The following IGFBP7 variants were observed in gnomAD, a reference collection of about 807,000 sequenced individuals.
IGFBP7 encodes the protein insulin-like growth factor-binding protein 7.
IGFBP7 carries 31 observed loss-of-function variants against 29.4 expected under a neutral mutation model. The ratio of observed to expected loss-of-function variants is 1.05; its 90% CI spans 0.79 to 1.42. The LOEUF is 1.42. IGFBP7 is among the 40% of genes most tolerant of loss of function. The probability of loss-of-function intolerance (pLI) is 0.00; values close to 1 mark genes in which losing one functional copy is unlikely to be tolerated. For synonymous variants in IGFBP7, 172 were observed against 174.9 expected (o/e 0.98, Z 0.13); for missense variants, 393 against 395.5 (o/e 0.99, Z 0.05).
In IGFBP7 at chr4:57,105,816, A is replaced by G. The variant is rs530440134; in HGVS notation, c.475+4061T>C. 3.9e-5 allele frequency among the ~76,000 whole-genome samples: 6 copies of G among 152,276 alleles called. 1 individual carries two copies. In the South Asian group the frequency reaches 1.2e-3, roughly 32 times the overall value. On this transcript the variant is annotated intron_variant, in intron 1 of 4. Coordinates refer to ENST00000295666, the MANE Select transcript of IGFBP7 (RefSeq NM_001553.3). ...GATGCATAGCTCTAGAAGAACAAAT[A>G]CATCATTTTGGGGTGGGGGAAAGTC...
Position 57,110,153 on chromosome 4 carries a change from C to T in IGFBP7, c.199G>A (p.Glu67Lys). 1 of 1,466,914 alleles carries T rather than the reference C, an allele frequency of 6.8e-7. No individual in the cohort carries two copies. Among genetic ancestry groups the T allele is most frequent in the Non-Finnish European group, 8.9e-7 (1 of 1,117,562 alleles). The allele number at this position is 1,466,914 out of a possible 1,614,324, so 90.9% of individuals were successfully genotyped here. ...CGCCPMCARG[E>K]GEPCGGGGAG... ...CCGCCACCCCCGCACGGCTCGCCCT[C>T]GCCGCGGGCGCACATAGGGCAGCAG... Residue 67 changes from glutamate to lysine, a missense_variant, in exon 1 of 5, where the codon GAG becomes AAG. Transcript: ENST00000295666.
chr4:57,032,353 T>A lies in IGFBP7; in HGVS notation c.829+73A>T. 1.9e-6 allele frequency: 3 copies of A among 1,574,442 alleles called. No individual in the cohort carries two copies. In the South Asian group the frequency reaches 3.5e-5, roughly 19 times the overall value. On this transcript the variant is annotated intron_variant, in intron 4 of 4. Coordinates refer to ENST00000295666, the MANE Select transcript of IGFBP7 (RefSeq NM_001553.3). ...TCATCAATAGCTACGTCTGATACTT[T>A]CATACTTAGTTCTGTTCTTTTTAAA...
intron 4 of IGFBP7, among the ~76,000 whole-genome samples, chr4:57,031,674 TTAG>T (rs2109732668): frequency 6.6e-6 from 1 of 152,352 alleles, no homozygotes; most frequent in East Asian, 1.9e-4. Flanking sequence ...GGAGGAATAA[TTAG>T]TAGCAGAGCT....
At chr4:57,045,719 G>A (rs1306102474) in intron 1 of IGFBP7, among the ~76,000 whole-genome samples, 2 of 147,846 alleles carry the variant, frequency 1.4e-5, no homozygotes, top group African/African-American at 4.9e-5. Flanking sequence ...ATATGCAGAG[G>A]GAATGGAAAA....
intron 2 of IGFBP7, among the ~76,000 whole-genome samples, chr4:57,033,514 C>G (rs1041157566): frequency 6.6e-6 from 1 of 152,178 alleles, no homozygotes; most frequent in Non-Finnish European, 1.5e-5. Flanking sequence ...TCCTGCTAAG[C>G]GTACATGTTT....
chr4:57,090,431 C>A (rs997222279), intron 1 of IGFBP7, among the ~76,000 whole-genome samples: 3 of 152,296 alleles, frequency 2.0e-5, no homozygotes, highest in East Asian at 3.9e-4. Flanking sequence ...CACACACAAA[C>A]AACAATAAAG....
chr4:57,042,414 A>C (rs1325926553), intron 1 of IGFBP7, among the ~76,000 whole-genome samples: 2 of 152,114 alleles, frequency 1.3e-5, no homozygotes, highest in Non-Finnish European at 2.9e-5. Context: ...CAGTGGCATG[A>C]TCTTGGCTCA....
At chr4:57,087,131 T>C (rs1228157668) in intron 1 of IGFBP7, among the ~76,000 whole-genome samples, 1 of 152,262 alleles carries the variant, frequency 6.6e-6, no homozygotes, top group Non-Finnish European at 1.5e-5. Context: ...AACTGGAGTC[T>C]GTGTTCTGTG....
chr4:57,075,815 G>A (rs1196408262), intron 1 of IGFBP7, among the ~76,000 whole-genome samples: 1 of 152,182 alleles, frequency 6.6e-6, no homozygotes, highest in Non-Finnish European at 1.5e-5. Flanking sequence ...AGGTCATCAA[G>A]GAGCTACCTG....
intron 1 of IGFBP7, among the ~76,000 whole-genome samples, chr4:57,087,259 C>A (rs952095925): frequency 6.6e-6 from 1 of 152,174 alleles, no homozygotes; most frequent in African/African-American, 2.4e-5. Context: ...TTCTTGTACT[C>A]ATTAAAGTGA....
rs559145448 is a variant in IGFBP7, at chr4:57,055,025, T to C, written c.476-14092A>G. The stretch of plus-strand genomic sequence containing the variant: ...GAGGCTGACGGCACTGGAAAGTGCC[T>C]GTGGGGTCCGACAGTGCAGTATAGG... On this transcript the variant is annotated intron_variant, in intron 1 of 4. Coordinates refer to ENST00000295666, the MANE Select transcript of IGFBP7 (RefSeq NM_001553.3). Among the ~76,000 whole-genome samples the C allele has an allele frequency of 6.6e-5, 10 of 152,316 alleles. No individual in the cohort carries two copies. The East Asian group carries it at 1.7e-3, about 26-fold the overall frequency.
chr4:57,079,930 A>G (rs1373451828), intron 1 of IGFBP7, among the ~76,000 whole-genome samples: 1 of 152,194 alleles, frequency 6.6e-6, no homozygotes, highest in Non-Finnish European at 1.5e-5. Flanking sequence ...GGCTATGCTT[A>G]TTACCCCATT....
intron 1 of IGFBP7, among the ~76,000 whole-genome samples, chr4:57,087,754 C>A (rs1399442505): frequency 6.6e-6 from 1 of 152,164 alleles, no homozygotes; most frequent in Non-Finnish European, 1.5e-5. Context: ...ATTTCCATAA[C>A]CCTAACCCTA....
intron 1 of IGFBP7, among the ~76,000 whole-genome samples, chr4:57,090,423 C>T (rs964348243): frequency 1.3e-5 from 2 of 152,196 alleles, no homozygotes; most frequent in Admixed American, 1.3e-4. Context: ...TTGAAACACA[C>T]ACACAAACAA....
At chr4:57,040,752 GT>G (rs1288850733) in intron 2 of IGFBP7, 71 bp downstream of exon 2, 1 of 1,111,368 alleles carries the variant, frequency 9.0e-7, no homozygotes, top group Non-Finnish European at 1.4e-6. Flanking sequence ...AGGATTTAAC[GT>G]TTTACCATCC....
rs1578659070 is a variant in IGFBP7, at chr4:57,110,127, G to C, written c.225C>G (p.Gly75=). 6.6e-7 allele frequency: 1 copy of C among 1,509,440 alleles called. No homozygotes were observed. Among genetic ancestry groups the C allele is most frequent in the Non-Finnish European group, 8.8e-7 (1 of 1,135,850 alleles). 93.5% of individuals were successfully genotyped at this position (1,509,440 alleles called of 1,614,324 possible). ...CCGGCGCGCAGTACCCCCTGCCGGC[G>C]CCGCCACCCCCGCACGGCTCGCCCT... ...RGEGEPCGGG[G]AGRGYCAPGM... The change falls in exon 1 of 5, where the codon GGC becomes GGG. Residue 75 remains glycine (G), a synonymous_variant. Coordinates refer to ENST00000295666, the MANE Select transcript of IGFBP7 (RefSeq NM_001553.3).
chr4:57,104,616 A>C (rs1056498969), intron 1 of IGFBP7, among the ~76,000 whole-genome samples: 24 of 152,232 alleles, frequency 1.6e-4, no homozygotes, highest in Admixed American at 1.6e-3. Flanking sequence ...TTCTCAAAGA[A>C]TGGAGGTTTA....
chr4:57,088,552 C>T (rs1402539665), intron 1 of IGFBP7, among the ~76,000 whole-genome samples: 1 of 152,036 alleles, frequency 6.6e-6, no homozygotes, highest in Non-Finnish European at 1.5e-5. Context: ...CATAGTATGA[C>T]ATTTGAGGGC....
rs189190832 is a variant in IGFBP7, at chr4:57,092,906, C to T, written c.475+16971G>A. The stretch of plus-strand genomic sequence containing the variant: ...ATATTAGTTATAAATTTAAAATTTG[C>T]AAATATATGGACTCCACATTTGCAA... On this transcript the variant is annotated intron_variant, in intron 1 of 4. Coordinates refer to ENST00000295666, the MANE Select transcript of IGFBP7 (RefSeq NM_001553.3). Among the ~76,000 whole-genome samples, 7 of 151,420 alleles carry T rather than the reference C, an allele frequency of 4.6e-5. No individual in the cohort carries two copies. In the East Asian group the frequency reaches 1.4e-3, roughly 29 times the overall value.
Sources: allele counts gnomAD v4.1 joint callset (sites outside exome capture counted in the v4.1 genomes callset), GRCh38; gene constraint gnomAD v4.1.1; transcripts MANE v1.5; gene names NCBI Gene and HGNC (gene_info 2026-07-23, HGNC 2026-07-21).